The following VPS13B variants were observed in gnomAD, a reference collection of about 807,000 sequenced individuals.
VPS13B encodes intermembrane lipid transfer protein VPS13B.
A neutral mutation model predicts 426.4 loss-of-function variants in VPS13B; 285 were observed. The ratio of observed to expected loss-of-function variants is 0.67; its 90% CI spans 0.61 to 0.74. The LOEUF (loss-of-function observed/expected upper bound fraction) is 0.74. Among genes scored for constraint, VPS13B ranks in the 30% least tolerant of loss-of-function variants. The pLI is 0.00. For synonymous variants in VPS13B, 1,676 were observed against 1,676.4 expected (o/e 1.00, Z 0.01); for missense variants, 4,537 against 4,782.6 (o/e 0.95, Z 1.51).
intron 17 of VPS13B, among the ~76,000 whole-genome samples, chr8:99,231,574 C>T (rs1353896124): frequency 6.6e-6 from 1 of 152,150 alleles, no homozygotes; most frequent in Non-Finnish European, 1.5e-5. Context: ...GAAGACAATT[C>T]AGAACAGTTG....
chr8:99,628,279 G>A (rs1365742391), intron 33 of VPS13B, among the ~76,000 whole-genome samples: 1 of 152,136 alleles, frequency 6.6e-6, no homozygotes, highest in Non-Finnish European at 1.5e-5. Context: ...CTAAAATAGA[G>A]ACACCTGGTT....
At chr8:99,692,335 C>A (rs1467551110) in intron 35 of VPS13B, among the ~76,000 whole-genome samples, 1 of 139,012 alleles carries the variant, frequency 7.2e-6, no homozygotes, top group Non-Finnish European at 1.5e-5. Flanking sequence ...GAAATTATAA[C>A]AAACTATCTC....
intron 21 of VPS13B, among the ~76,000 whole-genome samples, chr8:99,403,895 A>T (rs1269912474): frequency 1.3e-5 from 2 of 152,240 alleles, no homozygotes; most frequent in African/African-American, 4.8e-5. Flanking sequence ...CACATGAACT[A>T]GGGAACGGGG....
chr8:99,185,695 T>C (rs1813184468), intron 16 of VPS13B, among the ~76,000 whole-genome samples: 1 of 152,184 alleles, frequency 6.6e-6, no homozygotes, highest in Admixed American at 6.5e-5. Flanking sequence ...GTTCCTCAAG[T>C]GTACATATGG....
At chr8:99,431,388 G>A in intron 21 of VPS13B, 149 bp from the exon 22 acceptor site, 2 of 1,091,620 alleles carry the variant, frequency 1.8e-6, no homozygotes, top group East Asian at 2.7e-5. Context: ...AGTTCTATAA[G>A]AGAAAATGAT....
At chr8:99,534,136 A>G (rs1404515062) in intron 30 of VPS13B, among the ~76,000 whole-genome samples, 1 of 152,164 alleles carries the variant, frequency 6.6e-6, no homozygotes, top group African/African-American at 2.4e-5. Context: ...TTGTTTGAAA[A>G]TATTATCGGC....
chr8:99,574,031 T>C (rs544518624), intron 31 of VPS13B, among the ~76,000 whole-genome samples: 4 of 152,094 alleles, frequency 2.6e-5, no homozygotes, highest in African/African-American at 7.2e-5. Flanking sequence ...TTGTAAGTTG[T>C]ATTCCTAGGT....
At chr8:99,798,077 A>G (rs2130750752) in intron 43 of VPS13B, among the ~76,000 whole-genome samples, 1 of 152,286 alleles carries the variant, frequency 6.6e-6, no homozygotes, top group African/African-American at 2.4e-5. Flanking sequence ...TAAAATCAAC[A>G]GTGAGGTAAA....
intron 24 of VPS13B, among the ~76,000 whole-genome samples, chr8:99,478,565 A>T (rs1303664715): frequency 1.4e-5 from 2 of 146,794 alleles, no homozygotes; most frequent in East Asian, 4.0e-4. Flanking sequence ...CTCCTGCCTC[A>T]GCCTCCCAAG....
intron 35 of VPS13B, among the ~76,000 whole-genome samples, chr8:99,691,539 A>G (rs1218305653): frequency 6.6e-6 from 1 of 152,088 alleles, no homozygotes; most frequent in African/African-American, 2.4e-5. Flanking sequence ...CAAGACTCAG[A>G]GTTTTGTTAG....
rs1487608951 is a variant in VPS13B at position 99,683,962 on chromosome 8, A to G, written c.6047-15563A>G. ...TTCATTTCTTCATAATTATGATGTT[A>G]GCTGTAGGCTTTTCATATATAGCCT... On this transcript the variant is annotated intron_variant, in intron 35 of 61. Coordinates refer to ENST00000357162, the MANE Select transcript of VPS13B (RefSeq NM_152564.5). Among the ~76,000 whole-genome samples the G allele has an allele frequency of 2.0e-5, 3 of 152,216 alleles. No individual in the cohort carries two copies. The South Asian group carries it at 6.2e-4, about 31-fold the overall frequency.
rs563216345 is a variant in VPS13B at position 99,313,355 on chromosome 8, G to A, written c.2824+38101G>A. Among the ~76,000 whole-genome samples the A allele has an allele frequency of 3.2e-4, 49 of 152,230 alleles. No individual in the cohort carries two copies. In the Middle Eastern group the frequency reaches 0.014, roughly 42 times the overall value. On this transcript the variant is annotated intron_variant, in intron 19 of 61. Coordinates refer to ENST00000357162, the MANE Select transcript of VPS13B (RefSeq NM_152564.5). The stretch of plus-strand genomic sequence containing the variant: ...GTACATATGGGGTTTTGGTGTGGAT[G>A]TCCTTTCTGTTTGTTAGTTTTCCTG...
At chr8:99,431,231 A>G (rs1048324034) in intron 21 of VPS13B, among the ~76,000 whole-genome samples, 8 of 152,220 alleles carry the variant, frequency 5.3e-5, no homozygotes, top group African/African-American at 1.9e-4. Context: ...GAATTCTTAC[A>G]AAGTGAATAC....
At chr8:99,152,083 T>A (rs2132611538) in intron 14 of VPS13B, among the ~76,000 whole-genome samples, 1 of 152,312 alleles carries the variant, frequency 6.6e-6, no homozygotes, top group Admixed American at 6.5e-5. Flanking sequence ...TTATTTAATT[T>A]CCTGAAGTGT....
At chr8:99,070,978 G>C (rs1176551076) in intron 3 of VPS13B, among the ~76,000 whole-genome samples, 1 of 151,992 alleles carries the variant, frequency 6.6e-6, no homozygotes, top group Non-Finnish European at 1.5e-5. Context: ...TATCTGATAG[G>C]ATTCTGACTT....
chr8:99,730,475 T>A (rs1294643057), intron 39 of VPS13B, among the ~76,000 whole-genome samples: 1 of 152,144 alleles, frequency 6.6e-6, no homozygotes, highest in Non-Finnish European at 1.5e-5. Flanking sequence ...AAATAGAGTG[T>A]TCCCTGAATA....
chr8:99,270,131 C>CTTTTTTTTTTTTTTTT (rs71273170), intron 17 of VPS13B, among the ~76,000 whole-genome samples: 1,488 of 30,312 alleles, frequency 0.049, 687 homozygotes, highest in Non-Finnish European at 0.066. Flanking sequence ...ATATAAGAAT[C>CTTTTTTTTTTTTTTTT]TTTTTTTTTT....
At chr8:99,871,067 G>A in intron 60 of VPS13B, 180 bp downstream of exon 60, 2 of 687,476 alleles carry the variant, frequency 2.9e-6, no homozygotes, top group Non-Finnish European at 5.1e-6. Flanking sequence ...CTGTTGCCAG[G>A]TTTGGGGCTG....
rs1291914461 is a variant in VPS13B at position 99,577,649 on chromosome 8, T to C, written c.5220+16T>C. On this transcript the variant is annotated intron_variant, in intron 33 of 61. Coordinates refer to ENST00000357162, the MANE Select transcript of VPS13B (RefSeq NM_152564.5). Reference sequence around the variant, plus strand: ...GGCTGCAGAGGTAACTGTTACCTGATTTTGATCAGGCTTACTGCATTTGTT... The same window carrying C: ...GGCTGCAGAGGTAACTGTTACCTGACTTTGATCAGGCTTACTGCATTTGTT... 1 of 1,612,978 alleles carries C rather than the reference T, an allele frequency of 6.2e-7. No individual in the cohort carries two copies. Among genetic ancestry groups the C allele is most frequent in the Non-Finnish European group, 8.5e-7 (1 of 1,179,628 alleles).
Sources: allele counts gnomAD v4.1 joint callset (sites outside exome capture counted in the v4.1 genomes callset), GRCh38; gene constraint gnomAD v4.1.1; transcripts MANE v1.5; gene names NCBI Gene and HGNC (gene_info 2026-07-23, HGNC 2026-07-21).